Variants in SEM1 observed in about 807,000 individuals in gnomAD.
The protein encoded by SEM1 is SEM1 26S proteasome subunit, also known as 26S proteasome complex subunit SEM1.
In SEM1, 3 loss-of-function variants were observed where a neutral mutation model predicts 12.7. That is an observed-to-expected ratio of 0.24 (90% CI 0.11 to 0.61). The LOEUF (loss-of-function observed/expected upper bound fraction) is 0.61, where lower values mean the gene tolerates loss of function less well. Among genes scored for constraint, SEM1 ranks in the 20% least tolerant of loss-of-function variants. SEM1 has a pLI of 0.88. For missense variants in SEM1, 59 were observed against 81.3 expected, an observed-to-expected ratio of 0.73 and a Z score of 1.06; for synonymous variants, 30 against 27.8, an observed-to-expected ratio of 1.08 and a Z score of -0.25.
At chr7:96,629,876 C>T (rs749597795) in intron 2 of SEM1, among the ~76,000 whole-genome samples, 1 of 152,202 alleles carries the variant, frequency 6.6e-6, no homozygotes, top group Non-Finnish European at 1.5e-5. Flanking sequence ...AGTGGTTCCT[C>T]CAGACTCATA....
At chr7:96,620,446 C>T (rs1807855772), downstream of SEM1, among the ~76,000 whole-genome samples, 1 of 152,160 alleles carries the variant, frequency 6.6e-6, no homozygotes, top group Non-Finnish European at 1.5e-5. Flanking sequence ...GGCTTGGAGG[C>T]ATGTGGGGTA....
chr7:96,516,864 G>A (rs1352226516), intron 2 of SEM1, among the ~76,000 whole-genome samples: 1 of 152,070 alleles, frequency 6.6e-6, no homozygotes, highest in Non-Finnish European at 1.5e-5. Flanking sequence ...ACTGTGTTGT[G>A]TAAAGACAAT....
downstream of SEM1, among the ~76,000 whole-genome samples, chr7:96,669,282 G>A (rs984519504): frequency 1.1e-4 from 16 of 152,254 alleles, no homozygotes; most frequent in South Asian, 2.1e-4. Flanking sequence ...AGCTTTTCCT[G>A]TAAAGGGACA....
chr7:96,697,863 A>G (rs1194681431), intron 1 of SEM1, among the ~76,000 whole-genome samples: 2 of 152,142 alleles, frequency 1.3e-5, no homozygotes, highest in African/African-American at 2.4e-5. Context: ...TATGAAACAA[A>G]TTATTTTTTT....
At chr7:96,534,478 C>T (rs1478588377) in intron 2 of SEM1, among the ~76,000 whole-genome samples, 3 of 152,016 alleles carry the variant, frequency 2.0e-5, no homozygotes, top group Non-Finnish European at 4.4e-5. Flanking sequence ...GTAAAAGGTC[C>T]ATTCGAAGTG....
intron 2 of SEM1, among the ~76,000 whole-genome samples, chr7:96,570,564 T>C (rs902743316): frequency 1.3e-5 from 2 of 152,332 alleles, no homozygotes; most frequent in African/African-American, 4.8e-5. Flanking sequence ...ATGGTATATA[T>C]GTGCCACATT....
downstream of SEM1, among the ~76,000 whole-genome samples, chr7:96,684,378 C>T (rs971758723): frequency 6.6e-6 from 1 of 151,942 alleles, no homozygotes; most frequent in African/African-American, 2.4e-5. Context: ...TAAGATGAAA[C>T]ACACCCCACC....
chr7:96,545,406 T>A (rs1343897125), intron 2 of SEM1, among the ~76,000 whole-genome samples: 1 of 151,986 alleles, frequency 6.6e-6, no homozygotes, highest in Non-Finnish European at 1.5e-5. Flanking sequence ...AAGCAGTTCC[T>A]AAAGCTGAAG....
chr7:96,684,116 C>T (rs1298158504), downstream of SEM1, among the ~76,000 whole-genome samples: 2 of 152,108 alleles, frequency 1.3e-5, no homozygotes, highest in African/African-American at 2.4e-5. Flanking sequence ...AAAGAATCCT[C>T]TTCCAGACTT....
intron 2 of SEM1, among the ~76,000 whole-genome samples, chr7:96,610,174 A>G (rs1807498747): frequency 6.6e-6 from 1 of 151,520 alleles, no homozygotes; most frequent in Admixed American, 6.6e-5. Context: ...ATCTCAGCTC[A>G]CCGCAACCTC....
At chr7:96,698,438 G>C (rs1790165469) in intron 1 of SEM1, among the ~76,000 whole-genome samples, 1 of 151,914 alleles carries the variant, frequency 6.6e-6, no homozygotes, top group Non-Finnish European at 1.5e-5. Context: ...ACAGGCCCAG[G>C]TGTGTGATGT....
chr7:96,572,629 G>C (rs1806073591), intron 2 of SEM1, among the ~76,000 whole-genome samples: 1 of 152,146 alleles, frequency 6.6e-6, no homozygotes, highest in Admixed American at 6.6e-5. Flanking sequence ...TAATTTGATT[G>C]CACTGTGGTC....
chr7:96,688,326 C>T (rs766487419), downstream of SEM1: 4 of 152,192 alleles, frequency 2.6e-5, no homozygotes, highest in Non-Finnish European at 4.4e-5. Context: ...GATTAAACTA[C>T]TTTGGACTTT....
At chr7:96,504,106 A>G (rs1190122145) in intron 3 of SEM1, among the ~76,000 whole-genome samples, 1 of 152,160 alleles carries the variant, frequency 6.6e-6, no homozygotes, top group East Asian at 1.9e-4. Context: ...AAATATGCGC[A>G]TATGGAGAAT....
intron 2 of SEM1, among the ~76,000 whole-genome samples, chr7:96,574,457 G>A (rs925189085): frequency 1.2e-4 from 19 of 152,134 alleles, no homozygotes; most frequent in African/African-American, 4.6e-4. Flanking sequence ...ACCCAGTAAT[G>A]GGATCACTGG....
chr7:96,630,126 TC>T (rs1808200892), intron 2 of SEM1, among the ~76,000 whole-genome samples: 1 of 152,154 alleles, frequency 6.6e-6, no homozygotes, highest in Non-Finnish European at 1.5e-5. Flanking sequence ...CCATAACCAG[TC>T]CTTGGCTGCA....
At chr7:96,650,591 T>C in intron 2 of SEM1, 1 of 698,708 alleles carries the variant, frequency 1.4e-6, no homozygotes, top group Admixed American at 2.1e-5. Flanking sequence ...ACAACAACAC[T>C]GTAGGTCCCT....
chr7:96,508,429 G>A (rs1803824350), intron 2 of SEM1, among the ~76,000 whole-genome samples: 1 of 152,026 alleles, frequency 6.6e-6, no homozygotes, highest in Admixed American at 6.6e-5. Context: ...GCAGTTTGGG[G>A]TCAACGAGAA....
intron 2 of SEM1, among the ~76,000 whole-genome samples, chr7:96,636,767 C>A (rs1808439698): frequency 6.6e-6 from 1 of 152,026 alleles, no homozygotes; most frequent in Non-Finnish European, 1.5e-5. Context: ...AAAGAAGCCA[C>A]AAAATGAAGA....
Sources: allele counts gnomAD v4.1 joint callset (sites outside exome capture counted in the v4.1 genomes callset), GRCh38; gene constraint gnomAD v4.1.1; transcripts MANE v1.5; gene names NCBI Gene and HGNC (gene_info 2026-07-23, HGNC 2026-07-21).